DLG2: variants seen among roughly 807,000 people sequenced by gnomAD.
DLG2 encodes the protein discs large MAGUK scaffold protein 2.
A neutral mutation model predicts 132.5 loss-of-function variants in DLG2; 45 were observed. That is an observed-to-expected ratio of 0.34 (90% CI 0.27 to 0.44). The LOEUF (loss-of-function observed/expected upper bound fraction) is 0.44. DLG2 is among the 20% of genes least tolerant of loss of function. DLG2 has a pLI of 1.00. For synonymous variants in DLG2, 424 were observed against 419.6 expected (o/e 1.01, Z -0.13); for missense variants, 1,045 against 1,196.9 (o/e 0.87, Z 1.87).
chr11:84,257,194 T>C (rs1325181698), intron 7 of DLG2, among the ~76,000 whole-genome samples: 2 of 152,014 alleles, frequency 1.3e-5, no homozygotes, highest in Non-Finnish European at 2.9e-5. Flanking sequence ...GTTGGGGGAG[T>C]GACTTCCGCC....
Position 84,845,682 on chromosome 11 carries a change from C to CTT in DLG2, c.357+265977_357+265978dup, listed in dbSNP as rs11411513. On this transcript the variant is annotated intron_variant, in intron 6 of 27. Coordinates refer to ENST00000376104, the MANE Select transcript of DLG2 (RefSeq NM_001142699.3). The stretch of plus-strand genomic sequence containing the variant: ...TCATTTGAATTCTGTGATCGTCACT[C>CTT]TTTTTTTTTTTTTTTTGACACAGGA... Among the ~76,000 whole-genome samples, 655 of 138,832 alleles carry CTT rather than the reference C, an allele frequency of 4.7e-3. 5 individuals are homozygous for CTT. The highest frequency in any genetic ancestry group is 0.011 in the Middle Eastern group (3 of 268). The allele number at this position is 138,832 out of a possible 152,430, so 91.1% of individuals were successfully genotyped here.
At chr11:83,657,693 C>T (rs1014496771) in intron 18 of DLG2, among the ~76,000 whole-genome samples, 3 of 152,006 alleles carry the variant, frequency 2.0e-5, no homozygotes, top group Admixed American at 6.5e-5. Flanking sequence ...CACCCGCCAC[C>T]ATGCCTGGCT....
At chr11:83,636,344 A>G (rs2064834480) in intron 18 of DLG2, among the ~76,000 whole-genome samples, 1 of 152,180 alleles carries the variant, frequency 6.6e-6, no homozygotes, top group African/African-American at 2.4e-5. Flanking sequence ...GATGCTCAAT[A>G]AACTTTTTTT....
chr11:83,903,523 T>C (rs955379321), intron 15 of DLG2, among the ~76,000 whole-genome samples: 8 of 152,186 alleles, frequency 5.3e-5, no homozygotes, highest in Non-Finnish European at 1.2e-4. Context: ...AATTGTTGTA[T>C]GTTTATCCTG....
intron 3 of DLG2, among the ~76,000 whole-genome samples, chr11:85,407,306 T>C (rs771943994): frequency 7.2e-5 from 11 of 151,766 alleles, no homozygotes; most frequent in East Asian, 5.8e-4. Context: ...AGAGAACCAG[T>C]TGGAAGGCTA....
chr11:84,135,892 C>G (rs1159845077), intron 9 of DLG2, among the ~76,000 whole-genome samples: 1 of 152,002 alleles, frequency 6.6e-6, no homozygotes, highest in Non-Finnish European at 1.5e-5. Flanking sequence ...GACATAAAGA[C>G]TAGTTAGGTG....
chr11:83,990,456 A>C (rs889034387), intron 11 of DLG2, among the ~76,000 whole-genome samples: 3 of 152,100 alleles, frequency 2.0e-5, no homozygotes, highest in Non-Finnish European at 4.4e-5. Flanking sequence ...CCATCCTGTA[A>C]AAAGAGAACA....
chr11:84,764,003 T>C (rs1034829495), intron 6 of DLG2, among the ~76,000 whole-genome samples: 20 of 152,290 alleles, frequency 1.3e-4, no homozygotes, highest in Admixed American at 1.2e-3. Context: ...TATAAAATTT[T>C]CCTGGCTTAC....
At chr11:85,119,724 T>C (rs1218741585) in intron 5 of DLG2, among the ~76,000 whole-genome samples, 1 of 152,026 alleles carries the variant, frequency 6.6e-6, no homozygotes, top group African/African-American at 2.4e-5. Flanking sequence ...AGTAAAAATA[T>C]ATGAAATTTC....
chr11:83,550,466 G>A (rs922348853), intron 19 of DLG2, among the ~76,000 whole-genome samples: 2 of 152,154 alleles, frequency 1.3e-5, no homozygotes, highest in African/African-American at 4.8e-5. Context: ...CTTTCAGGCT[G>A]TCCTGGCAGT....
At chr11:85,137,239 TTAA>T (rs1226817160) in intron 5 of DLG2, among the ~76,000 whole-genome samples, 1 of 152,106 alleles carries the variant, frequency 6.6e-6, no homozygotes, top group Non-Finnish European at 1.5e-5. Flanking sequence ...TATAAGCATG[TTAA>T]TAATAATAGT....
chr11:85,122,961 A>AT lies in DLG2; in HGVS notation c.283-11227dup, dbSNP rs1205598487. Among the ~76,000 whole-genome samples the AT allele has an allele frequency of 1.2e-3, 64 of 53,144 alleles. 1 individual carries two copies. Among genetic ancestry groups the AT allele is most frequent in the East Asian group, 5.5e-3 (5 of 904 alleles). 34.9% of individuals were successfully genotyped at this position (53,144 alleles called of 152,430 possible). A position where few individuals can be genotyped will look rare whatever the true frequency, so the allele number is the denominator to read the frequency against. Reference sequence around the variant, plus strand: ...GTCTGTATATATATTATATATATATATATATATATTTTTTTTTTTTTTTTT... The same window carrying AT: ...GTCTGTATATATATTATATATATATATTATATATATTTTTTTTTTTTTTTTT... On this transcript the variant is annotated intron_variant, in intron 5 of 27. Coordinates refer to ENST00000376104, the MANE Select transcript of DLG2 (RefSeq NM_001142699.3).
rs116376391 is a variant in DLG2 at position 85,256,726 on chromosome 11, G to T, written c.186+28494C>A. ...CACGCCCCTGTCGATGTCGTGTGAGGGGGGGTCAGGGAACTCTCCCATTTC... is the reference window on the plus strand; with the variant it reads ...CACGCCCCTGTCGATGTCGTGTGAGTGGGGGTCAGGGAACTCTCCCATTTC... On this transcript the variant is annotated intron_variant, in intron 4 of 27. Transcript: ENST00000376104. Among the ~76,000 whole-genome samples, 1,384 of 152,190 alleles carry T rather than the reference G, an allele frequency of 9.1e-3. 24 individuals are homozygous for T. Among genetic ancestry groups the T allele is most frequent in the African/African-American group, 0.032 (1,316 of 41,494 alleles).
At chr11:85,397,429 T>A (rs892364402) in intron 3 of DLG2, among the ~76,000 whole-genome samples, 2 of 152,190 alleles carry the variant, frequency 1.3e-5, no homozygotes, top group African/African-American at 2.4e-5. Flanking sequence ...AACATAATAA[T>A]ATTAACCTTA....
chr11:83,731,757 G>C (rs111898776), intron 18 of DLG2, among the ~76,000 whole-genome samples: 1 of 152,196 alleles, frequency 6.6e-6, no homozygotes, highest in Non-Finnish European at 1.5e-5. Context: ...CCCACCAACA[G>C]TGTAAAAGCA....
chr11:85,200,136 G>C (rs956765954), intron 4 of DLG2, among the ~76,000 whole-genome samples: 2 of 152,050 alleles, frequency 1.3e-5, no homozygotes, highest in African/African-American at 4.8e-5. Context: ...ACACCTAGGG[G>C]GGTCATTTCG....
At chr11:84,318,783 T>C (rs2098384479) in intron 7 of DLG2, among the ~76,000 whole-genome samples, 2 of 152,164 alleles carry the variant, frequency 1.3e-5, no homozygotes, top group Non-Finnish European at 2.9e-5. Context: ...GCCAGATATG[T>C]AAGTTTAGAG....
chr11:84,754,187 A>T (rs997003836), intron 6 of DLG2, among the ~76,000 whole-genome samples: 3 of 152,234 alleles, frequency 2.0e-5, no homozygotes, highest in Non-Finnish European at 2.9e-5. Context: ...TTACCAGCAA[A>T]CAGTATTTTG....
chr11:83,753,842 A>T (rs1435155088), intron 18 of DLG2, among the ~76,000 whole-genome samples: 2 of 11,754 alleles, frequency 1.7e-4, no homozygotes, highest in Non-Finnish European at 2.6e-4. Context: ...TATGATATAT[A>T]TCATATATAT....
Sources: allele counts gnomAD v4.1 joint callset (sites outside exome capture counted in the v4.1 genomes callset), GRCh38; gene constraint gnomAD v4.1.1; transcripts MANE v1.5; gene names NCBI Gene and HGNC (gene_info 2026-07-23, HGNC 2026-07-21).